The following RYR3 variants were observed in gnomAD, a reference collection of about 807,000 sequenced individuals.
The protein encoded by RYR3 is brain ryanodine receptor-calcium release channel.
RYR3 carries 207 observed loss-of-function variants against 584.3 expected under a neutral mutation model. The ratio of observed to expected loss-of-function variants is 0.35; its 90% CI spans 0.32 to 0.40. The LOEUF (loss-of-function observed/expected upper bound fraction) is 0.40. Among genes scored for constraint, RYR3 ranks in the 10% least tolerant of loss-of-function variants. The probability of loss-of-function intolerance (pLI) is 1.00; values close to 1 mark genes in which losing one functional copy is unlikely to be tolerated. For missense variants in RYR3, 5,616 were observed against 6,089.2 expected, an observed-to-expected ratio of 0.92 and a Z score of 2.59; for synonymous variants, 2,416 against 2,248.5, an observed-to-expected ratio of 1.07 and a Z score of -2.11.
At chr15:33,567,902 A>G (rs987540688) in intron 12 of RYR3, among the ~76,000 whole-genome samples, 3 of 152,178 alleles carry the variant, frequency 2.0e-5, no homozygotes. Context: ...GCCACATGCT[A>G]GATTTATCTG....
In RYR3 at chr15:33,658,613, T is replaced by A. The variant is rs558296027; in HGVS notation, c.4309-1107T>A. On this transcript the variant is annotated intron_variant, in intron 32 of 103. Coordinates refer to ENST00000634891, the MANE Select transcript of RYR3 (RefSeq NM_001036.6). ...AGTTGCAAGAATTTCCTAATGTTTA[T>A]ATTTGCTTCAACCTAAAAGGTTTCA... Among the ~76,000 whole-genome samples the A allele has an allele frequency of 3.2e-4, 49 of 152,314 alleles. 1 individual carries two copies. Among genetic ancestry groups the A allele is most frequent in the Admixed American group, 2.4e-3 (36 of 15,302 alleles).
chr15:33,662,129 G>T, intron 34 of RYR3, 24 bp from the exon 35 acceptor site: 1 of 1,538,088 alleles, frequency 6.5e-7, no homozygotes, highest in Non-Finnish European at 8.8e-7. Context: ...CCCTGGTGTG[G>T]CTGATTGCTC....
Position 33,822,990 on chromosome 15 carries a change from T to C in RYR3, c.10996-6T>C, listed in dbSNP as rs752890549. On this transcript the variant is annotated splice_region_variant and splice_polypyrimidine_tract_variant and intron_variant, in intron 80 of 103. Transcript: ENST00000634891. Reference sequence around the variant, plus strand: ...CTTTTCCCCTTACAACGTGTCTCCCTTGCAGAAAATGCTAGATTACCTAAA... The same window carrying C: ...CTTTTCCCCTTACAACGTGTCTCCCCTGCAGAAAATGCTAGATTACCTAAA... 1 of 1,612,292 alleles carries C rather than the reference T, an allele frequency of 6.2e-7. No homozygotes were observed. Among genetic ancestry groups the C allele is most frequent in the Non-Finnish European group, 8.5e-7 (1 of 1,178,908 alleles).
Position 33,624,549 on chromosome 15 carries a change from C to A in RYR3, c.2574+526C>A, listed in dbSNP as rs1376728792. Reference sequence around the variant, plus strand: ...TAAAAACACAAAGTAGAAGTATAGACAGGTGGCAATGCGTATTCTCATATG... The same window carrying A: ...TAAAAACACAAAGTAGAAGTATAGAAAGGTGGCAATGCGTATTCTCATATG... On this transcript the variant is annotated intron_variant, in intron 20 of 103. Coordinates refer to ENST00000634891, the MANE Select transcript of RYR3 (RefSeq NM_001036.6). 2.0e-5 allele frequency among the ~76,000 whole-genome samples: 3 copies of A among 152,044 alleles called. No homozygotes were observed. The East Asian group carries it at 5.8e-4, about 29-fold the overall frequency.
chr15:33,624,666 C>T (rs996970635), intron 20 of RYR3, among the ~76,000 whole-genome samples: 2 of 152,150 alleles, frequency 1.3e-5, no homozygotes, highest in Non-Finnish European at 2.9e-5. Context: ...TTTGGAAATG[C>T]TGATAAATGG....
rs184221270 is a variant in RYR3, at chr15:33,465,284, G to A, written c.52-8135G>A. Among the ~76,000 whole-genome samples, 514 of 151,934 alleles carry A rather than the reference G, an allele frequency of 3.4e-3. 8 individuals carry two copies. Among genetic ancestry groups the A allele is most frequent in the Non-Finnish European group, 1.3e-3 (87 of 67,980 alleles). ...ACATATCTGTATATCTATATCTATC[G>A]ATAGATATCTATATCTATATTCAGA... On this transcript the variant is annotated intron_variant, in intron 1 of 103. Coordinates refer to ENST00000634891, the MANE Select transcript of RYR3 (RefSeq NM_001036.6).
At chr15:33,443,276 C>G (rs7177273) in intron 1 of RYR3, among the ~76,000 whole-genome samples, 294 of 150,968 alleles carry the variant, frequency 1.9e-3, no homozygotes, top group African/African-American at 7.0e-3. Flanking sequence ...AAAAAAAAAC[C>G]CTGCATAAAC....
At chr15:33,655,763 T>C (rs2062790702) in intron 32 of RYR3, among the ~76,000 whole-genome samples, 2 of 152,204 alleles carry the variant, frequency 1.3e-5, no homozygotes, top group Non-Finnish European at 2.9e-5. Context: ...CCCTTCTCAT[T>C]CCAGGCGAGA....
intron 1 of RYR3, among the ~76,000 whole-genome samples, chr15:33,352,212 A>G (rs1358982358): frequency 6.6e-6 from 1 of 152,154 alleles, no homozygotes; most frequent in Non-Finnish European, 1.5e-5. Context: ...TCAAATCCTT[A>G]CATAGATGGG....
chr15:33,477,593 AG>A (rs917744063), intron 2 of RYR3, among the ~76,000 whole-genome samples: 9 of 149,718 alleles, frequency 6.0e-5, no homozygotes, highest in Non-Finnish European at 1.2e-4. Context: ...AAAAAAAAAA[AG>A]GCTGGGCGCG....
At chr15:33,787,655 T>C (rs2074822146) in intron 66 of RYR3, among the ~76,000 whole-genome samples, 1 of 152,188 alleles carries the variant, frequency 6.6e-6, no homozygotes, top group African/African-American at 2.4e-5. Context: ...ATACCAGACT[T>C]ATATCCCTCC....
intron 16 of RYR3, among the ~76,000 whole-genome samples, chr15:33,593,466 A>G (rs62010492): frequency 0.013 from 1,988 of 152,274 alleles, 25 homozygotes; most frequent in Non-Finnish European, 0.02. Flanking sequence ...TGAACAAAAG[A>G]ACAATCCTGG....
intron 70 of RYR3, 188 bp downstream of exon 70, chr15:33,807,757 A>C (rs1329789381): frequency 1.6e-5 from 10 of 627,974 alleles, no homozygotes; most frequent in Non-Finnish European, 2.5e-5. Flanking sequence ...CCACCCTTGG[A>C]ATGGGGAAGC....
intron 38 of RYR3, among the ~76,000 whole-genome samples, chr15:33,678,359 T>C (rs911249733): frequency 6.6e-6 from 1 of 152,162 alleles, no homozygotes; most frequent in Admixed American, 6.6e-5. Flanking sequence ...TGTATAGTTC[T>C]TCCCCCTTCA....
At chr15:33,556,597 A>G (rs1179466866) in intron 10 of RYR3, among the ~76,000 whole-genome samples, 1 of 152,254 alleles carries the variant, frequency 6.6e-6, no homozygotes, top group Non-Finnish European at 1.5e-5. Context: ...GTATTTGTCC[A>G]CAGTCATATT....
chr15:33,378,638 G>A (rs1305685065), intron 1 of RYR3, among the ~76,000 whole-genome samples: 1 of 152,234 alleles, frequency 6.6e-6, no homozygotes, highest in Non-Finnish European at 1.5e-5. Flanking sequence ...TCAGTCATCA[G>A]AAGTTATTAT....
chr15:33,859,867 C>A, intron 100 of RYR3, 136 bp downstream of exon 100: 1 of 960,532 alleles, frequency 1.0e-6, no homozygotes, highest in Non-Finnish European at 1.5e-6. Context: ...ACTAATTTAG[C>A]ATCTACTATA....
chr15:33,687,553 G>GA (rs1382693558), intron 38 of RYR3, among the ~76,000 whole-genome samples: 4 of 152,240 alleles, frequency 2.6e-5, no homozygotes, highest in South Asian at 4.1e-4. Context: ...CACAGAATTG[G>GA]AAAAAACTAC....
chr15:33,764,387 T>C (rs954488635), intron 60 of RYR3, among the ~76,000 whole-genome samples: 5 of 151,768 alleles, frequency 3.3e-5, no homozygotes, highest in South Asian at 2.1e-4. Flanking sequence ...TGAGAACACA[T>C]AGACACAGAG....
Sources: allele counts gnomAD v4.1 joint callset (sites outside exome capture counted in the v4.1 genomes callset), GRCh38; gene constraint gnomAD v4.1.1; transcripts MANE v1.5; gene names NCBI Gene and HGNC (gene_info 2026-07-23, HGNC 2026-07-21).